Variants in FARP1 observed in about 807,000 individuals in gnomAD.
The protein encoded by FARP1 is FERM, ARH/RhoGEF and pleckstrin domain protein 1.
In FARP1, 52 loss-of-function variants were observed where a neutral mutation model predicts 128.8. The ratio of observed to expected loss-of-function variants is 0.40; its 90% CI spans 0.32 to 0.51. FARP1 has a LOEUF of 0.51. Ranked by LOEUF, FARP1 falls within the 20% of genes least tolerant of loss-of-function variation. The pLI is 0.45. For synonymous variants in FARP1, 580 were observed against 551.8 expected, an observed-to-expected ratio of 1.05 and a Z score of -0.72; for missense variants, 1,333 against 1,367.9, an observed-to-expected ratio of 0.97 and a Z score of 0.40.
intron 1 of FARP1, among the ~76,000 whole-genome samples, chr13:98,178,707 G>T (rs1878284545): frequency 6.6e-6 from 1 of 152,180 alleles, no homozygotes. Context: ...CAAAACACTG[G>T]CTGCTGTGGG....
chr13:98,399,562 C>G (rs1456092630), intron 13 of FARP1: 1 of 152,268 alleles, frequency 6.6e-6, no homozygotes, highest in Non-Finnish European at 1.5e-5. Flanking sequence ...TTACAGACTT[C>G]TGAATGCATT....
chr13:98,388,618 G>T (rs73567698), intron 9 of FARP1, 140 bp downstream of exon 9: 1 of 663,284 alleles, frequency 1.5e-6, no homozygotes, highest in Non-Finnish European at 2.7e-6. Flanking sequence ...CATGAACGCC[G>T]AGCGTCTCTA....
intron 5 of FARP1, among the ~76,000 whole-genome samples, chr13:98,371,025 G>A (rs73567649): frequency 0.011 from 1,673 of 152,204 alleles, 27 homozygotes; most frequent in African/African-American, 0.038. Context: ...TTTTCCTGTC[G>A]TTGGAAACTG....
rs747444815 is a variant in FARP1, at chr13:98,440,716, C to T, written c.2676C>T (p.Asp892=). 9 of 1,613,422 alleles carry T rather than the reference C, an allele frequency of 5.6e-6. No individual in the cohort carries two copies. Among genetic ancestry groups the T allele is most frequent in the Non-Finnish European group, 5.9e-6 (7 of 1,179,966 alleles). ...CGGCTGACCAGGAGTCAGAGGATGACCTGAGCGCCTCGCGCACATCGCTGG... is the reference window on the plus strand; with the variant it reads ...CGGCTGACCAGGAGTCAGAGGATGATCTGAGCGCCTCGCGCACATCGCTGG... ...ATAADQESED[D]LSASRTSLER... Residue 892 remains aspartate (D), a synonymous_variant, in exon 24 of 27, where the codon GAC becomes GAT. Transcript: ENST00000319562.
chr13:98,202,012 G>A (rs1879985401), intron 1 of FARP1, among the ~76,000 whole-genome samples: 1 of 152,170 alleles, frequency 6.6e-6, no homozygotes, highest in Non-Finnish European at 1.5e-5. Flanking sequence ...AGACTTTTTG[G>A]AAATAAGCAA....
intron 1 of FARP1, among the ~76,000 whole-genome samples, chr13:98,148,182 C>A (rs1415158495): frequency 6.6e-6 from 1 of 152,106 alleles, no homozygotes; most frequent in African/African-American, 2.4e-5. Context: ...AGTTCAAGAC[C>A]AGCCTGACCA....
intron 17 of FARP1, 54 bp downstream of exon 17, chr13:98,424,704 G>A: frequency 8.3e-7 from 1 of 1,203,886 alleles, no homozygotes; most frequent in South Asian, 1.2e-5. Context: ...AATCGAGCGG[G>A]GCTGCCATGG....
intron 2 of FARP1, among the ~76,000 whole-genome samples, chr13:98,247,008 C>T (rs1263856064): frequency 6.6e-6 from 1 of 152,150 alleles, no homozygotes; most frequent in African/African-American, 2.4e-5. Context: ...GACGGATCAC[C>T]TGAGGTCAGG....
intron 19 of FARP1, among the ~76,000 whole-genome samples, chr13:98,437,521 G>C (rs943784645): frequency 2.0e-5 from 3 of 152,158 alleles, no homozygotes; most frequent in South Asian, 2.1e-4. Context: ...GGAGACAAAG[G>C]CTTGCTGGGG....
intron 1 of FARP1, among the ~76,000 whole-genome samples, chr13:98,161,055 A>G (rs1358325381): frequency 6.6e-6 from 1 of 152,066 alleles, no homozygotes; most frequent in African/African-American, 2.4e-5. Context: ...ATGGAACAGA[A>G]GTTAGAATTC....
At chr13:98,407,996 C>A (rs1174106306) in intron 13 of FARP1, among the ~76,000 whole-genome samples, 2 of 152,178 alleles carry the variant, frequency 1.3e-5, no homozygotes, top group Non-Finnish European at 2.9e-5. Flanking sequence ...CACCTTTTCC[C>A]TTAGAGATCT....
intron 5 of FARP1, among the ~76,000 whole-genome samples, chr13:98,375,913 G>A (rs1370795413): frequency 6.6e-5 from 10 of 151,976 alleles, no homozygotes; most frequent in African/African-American, 1.2e-4. Context: ...CACAGCGTGC[G>A]GCCCCAACAG....
chr13:98,328,750 C>T (rs982428430), intron 2 of FARP1: 5 of 152,192 alleles, frequency 3.3e-5, no homozygotes, highest in South Asian at 2.1e-4. Context: ...CTGCTTATCT[C>T]GAAAGCTGAT....
chr13:98,432,847 C>G (rs554478845), intron 18 of FARP1: 1 of 149,804 alleles, frequency 6.7e-6, no homozygotes, highest in Non-Finnish European at 1.5e-5. Context: ...CAGGCAGGTA[C>G]CTGGGTGCTG....
intron 1 of FARP1, among the ~76,000 whole-genome samples, chr13:98,159,280 G>A (rs1876704956): frequency 6.6e-6 from 1 of 152,108 alleles, no homozygotes; most frequent in Admixed American, 6.5e-5. Context: ...AGGAAGCTGA[G>A]GCTTAGACTA....
chr13:98,205,559 A>C (rs565311566), intron 1 of FARP1, among the ~76,000 whole-genome samples: 1 of 151,902 alleles, frequency 6.6e-6, no homozygotes, highest in East Asian at 1.9e-4. Context: ...TGCCCGGCTA[A>C]TTTTTTTGTA....
intron 5 of FARP1, among the ~76,000 whole-genome samples, chr13:98,372,668 C>T (rs1414691695): frequency 1.3e-5 from 2 of 152,176 alleles, no homozygotes; most frequent in Non-Finnish European, 2.9e-5. Flanking sequence ...ATAAATTATT[C>T]ATATTGAAAG....
intron 2 of FARP1, among the ~76,000 whole-genome samples, chr13:98,235,267 A>G (rs1882348910): frequency 6.6e-6 from 1 of 152,180 alleles, no homozygotes; most frequent in African/African-American, 2.4e-5. Flanking sequence ...CATAAGTTTC[A>G]TCACAGTGCC....
chr13:98,271,399 A>T (rs1432288394), intron 2 of FARP1, among the ~76,000 whole-genome samples: 2 of 152,086 alleles, frequency 1.3e-5, no homozygotes, highest in East Asian at 3.8e-4. Flanking sequence ...ACATATATAT[A>T]TTTTTAAATT....
Sources: allele counts gnomAD v4.1 joint callset (sites outside exome capture counted in the v4.1 genomes callset), GRCh38; gene constraint gnomAD v4.1.1; transcripts MANE v1.5; gene names NCBI Gene and HGNC (gene_info 2026-07-23, HGNC 2026-07-21).